The following CAB39L variants were observed in gnomAD, a reference collection of about 807,000 sequenced individuals.
CAB39L encodes the protein calcium-binding protein 39-like.
CAB39L carries 23 observed loss-of-function variants against 39.1 expected under a neutral mutation model. That is an observed-to-expected ratio of 0.59 (90% CI 0.42 to 0.83). The LOEUF (loss-of-function observed/expected upper bound fraction) is 0.83. Ranked by LOEUF, CAB39L falls within the 40% of genes least tolerant of loss-of-function variation. The pLI is 0.00. For synonymous variants in CAB39L, 126 were observed against 137.2 expected, an observed-to-expected ratio of 0.92 and a Z score of 0.57; for missense variants, 366 against 391.9, an observed-to-expected ratio of 0.93 and a Z score of 0.56.
chr13:49,318,776 G>A (rs1033443289), intron 10 of CAB39L, among the ~76,000 whole-genome samples: 19 of 151,074 alleles, frequency 1.3e-4, no homozygotes, highest in African/African-American at 4.1e-4. Context: ...CCATATTACC[G>A]AGCAACTCCT....
chr13:49,442,787 C>CAAAAAAAAAAAAA (rs71078844), intron 1 of CAB39L, among the ~76,000 whole-genome samples: 18 of 103,686 alleles, frequency 1.7e-4, no homozygotes, highest in African/African-American at 7.2e-4. Context: ...GACTCCATCT[C>CAAAAAAAAAAAAA]AAAAAAAAAA....
intron 3 of CAB39L, among the ~76,000 whole-genome samples, chr13:49,427,311 G>A (rs1957259283): frequency 6.6e-6 from 1 of 152,124 alleles, no homozygotes; most frequent in African/African-American, 2.4e-5. Flanking sequence ...AGATACTTTA[G>A]ATTTACACTG....
chr13:49,383,137 G>A (rs540625000), intron 3 of CAB39L, among the ~76,000 whole-genome samples, 196 bp from the exon 4 acceptor site: 3 of 151,912 alleles, frequency 2.0e-5, no homozygotes, highest in African/African-American at 7.2e-5. Flanking sequence ...TTAAAGTTTT[G>A]CTTGAAAGTT....
intron 3 of CAB39L, among the ~76,000 whole-genome samples, chr13:49,416,203 C>T (rs1022560797): frequency 6.6e-6 from 1 of 152,156 alleles, no homozygotes; most frequent in Admixed American, 6.5e-5. Flanking sequence ...GAGGACAGAA[C>T]ATGTCACTCT....
chr13:49,391,904 TCTA>T (rs1231716200), intron 3 of CAB39L, among the ~76,000 whole-genome samples: 2 of 151,852 alleles, frequency 1.3e-5, no homozygotes, highest in African/African-American at 2.4e-5. Context: ...TGTGTTAAAT[TCTA>T]CTACTAAAAA....
chr13:49,377,722 G>A (rs1271189628), intron 4 of CAB39L, among the ~76,000 whole-genome samples: 1 of 79,244 alleles, frequency 1.3e-5, no homozygotes. Context: ...GGAGTGCAGT[G>A]GCGTGATCTC....
At chr13:49,349,375 A>G (rs1955273652) in intron 7 of CAB39L, among the ~76,000 whole-genome samples, 1 of 151,570 alleles carries the variant, frequency 6.6e-6, no homozygotes, top group South Asian at 2.1e-4. Flanking sequence ...TATATCCTGA[A>G]AAAAGTATAA....
intron 3 of CAB39L, among the ~76,000 whole-genome samples, chr13:49,412,003 C>CT (rs1479751544): frequency 1.3e-5 from 2 of 152,118 alleles, no homozygotes; most frequent in Non-Finnish European, 2.9e-5. Context: ...ACTCTCTTCC[C>CT]TGTATGTAAA....
At chr13:49,402,133 T>C (rs1956786311) in intron 3 of CAB39L, among the ~76,000 whole-genome samples, 1 of 152,200 alleles carries the variant, frequency 6.6e-6, no homozygotes, top group South Asian at 2.1e-4. Context: ...ATGTAATTAT[T>C]GCTGTTGGAA....
At chr13:49,350,687 T>C (rs542163065) in intron 7 of CAB39L, 57 bp downstream of exon 7, 1 of 1,306,682 alleles carries the variant, frequency 7.7e-7, no homozygotes, top group Non-Finnish European at 1.0e-6. Context: ...TTAAATTGCC[T>C]CTTCAGGGGC....
intron 3 of CAB39L, among the ~76,000 whole-genome samples, chr13:49,405,748 AG>A (rs1215310331): frequency 1.8e-3 from 204 of 112,272 alleles, no homozygotes; most frequent in Middle Eastern, 8.3e-3. Context: ...GAAGGAAGGA[AG>A]GGAGGGAGGG....
chr13:49,438,455 A>C (rs1445363999), intron 1 of CAB39L, among the ~76,000 whole-genome samples: 1 of 152,168 alleles, frequency 6.6e-6, no homozygotes, highest in East Asian at 1.9e-4. Flanking sequence ...TGGTTGTCTG[A>C]AATTTGTTCT....
chr13:49,350,370 T>G (rs772164603), intron 7 of CAB39L, among the ~76,000 whole-genome samples: 1 of 152,252 alleles, frequency 6.6e-6, no homozygotes, highest in Non-Finnish European at 1.5e-5. Context: ...TGTTGCTGTT[T>G]CCTATGCATC....
chr13:49,409,795 C>T (rs1405417687), intron 3 of CAB39L, among the ~76,000 whole-genome samples: 1 of 151,946 alleles, frequency 6.6e-6, no homozygotes, highest in Non-Finnish European at 1.5e-5. Flanking sequence ...CCACATGTGG[C>T]TGGGCACAGT....
At chr13:49,443,933 A>T (rs758618581) in intron 1 of CAB39L, 53 bp downstream of exon 1, 11 of 456,178 alleles carry the variant, frequency 2.4e-5, no homozygotes, top group Non-Finnish European at 4.8e-5. Context: ...TATGTTTTCA[A>T]CCCCCAAGAA....
intron 3 of CAB39L, among the ~76,000 whole-genome samples, chr13:49,399,579 T>C (rs1956720798): frequency 6.6e-6 from 1 of 152,056 alleles, no homozygotes. Context: ...TGATAAACTG[T>C]TTCCCAGGGA....
intron 3 of CAB39L, among the ~76,000 whole-genome samples, chr13:49,403,381 T>C (rs981729830): frequency 6.6e-6 from 1 of 151,992 alleles, no homozygotes; most frequent in African/African-American, 2.4e-5. Flanking sequence ...TTTTAAAATA[T>C]TTATATAAAT....
At chr13:49,389,871 G>A (rs1050290409) in intron 3 of CAB39L, among the ~76,000 whole-genome samples, 2 of 152,254 alleles carry the variant, frequency 1.3e-5, no homozygotes, top group Admixed American at 6.5e-5. Flanking sequence ...CATTATGGTT[G>A]GAGTGCAGTT....
chr13:49,335,172 A>T (rs1176497645), intron 9 of CAB39L, among the ~76,000 whole-genome samples: 4 of 152,252 alleles, frequency 2.6e-5, no homozygotes, highest in African/African-American at 9.6e-5. Flanking sequence ...ATATACAAAA[A>T]TAATCAAATA....
Sources: gnomAD v4.1 joint callset for allele counts (sites outside exome capture counted in the v4.1 genomes callset) on GRCh38, gnomAD v4.1.1 for gene constraint, MANE v1.5 for transcripts, NCBI Gene and HGNC (gene_info 2026-07-23, HGNC 2026-07-21) for gene names.